The following KIF26B variants were observed in gnomAD, a reference collection of about 807,000 sequenced individuals.
KIF26B encodes kinesin-like protein KIF26B.
In KIF26B, 63 loss-of-function variants were observed where a neutral mutation model predicts 151.2. The observed-to-expected ratio is 0.42, with a 90% CI of 0.34 to 0.51. The LOEUF (loss-of-function observed/expected upper bound fraction) is 0.51. Ranked by LOEUF, KIF26B falls within the 20% of genes least tolerant of loss-of-function variation. The pLI is 0.07. For missense variants in KIF26B, 2,813 were observed against 2,913.6 expected, an observed-to-expected ratio of 0.97 and a Z score of 0.79; for synonymous variants, 1,357 against 1,262.1, an observed-to-expected ratio of 1.08 and a Z score of -1.59.
intron 4 of KIF26B, among the ~76,000 whole-genome samples, chr1:245,445,251 A>G (rs1311028005): frequency 6.6e-6 from 1 of 152,234 alleles, no homozygotes; most frequent in Non-Finnish European, 1.5e-5. Context: ...AGGCTGGTCT[A>G]GAATCTCTCA....
At chr1:245,169,349 G>GTGTGTGTGTGTA (rs1668669393) in intron 2 of KIF26B, among the ~76,000 whole-genome samples, 2 of 151,932 alleles carry the variant, frequency 1.3e-5, no homozygotes, top group African/African-American at 4.8e-5. Flanking sequence ...GTGTGTGTGT[G>GTGTGTGTGTGTA]TGTGTGTGTG....
chr1:245,520,191 GA>G (rs989452168), intron 4 of KIF26B, among the ~76,000 whole-genome samples: 1 of 148,302 alleles, frequency 6.7e-6, no homozygotes, highest in African/African-American at 2.5e-5. Context: ...CTAAAGGCCA[GA>G]AATAGGAAAA....
intron 2 of KIF26B, among the ~76,000 whole-genome samples, chr1:245,344,286 T>C (rs1373407850): frequency 6.6e-6 from 1 of 151,852 alleles, no homozygotes; most frequent in Admixed American, 6.6e-5. Context: ...ATTTCATTCA[T>C]TCATTAGCCT....
chr1:245,505,918 A>T (rs756182119), intron 4 of KIF26B, among the ~76,000 whole-genome samples: 2 of 152,194 alleles, frequency 1.3e-5, no homozygotes, highest in Non-Finnish European at 2.9e-5. Context: ...TTAAATGATT[A>T]AGGATTTTCA....
intron 2 of KIF26B, among the ~76,000 whole-genome samples, chr1:245,310,941 A>G (rs1356120273): frequency 6.6e-6 from 1 of 152,126 alleles, no homozygotes; most frequent in Non-Finnish European, 1.5e-5. Context: ...GTATCAGAGC[A>G]GGGATTGAAA....
intron 2 of KIF26B, among the ~76,000 whole-genome samples, 160 bp from the exon 3 acceptor site, chr1:245,366,674 G>A (rs1572025753): frequency 1.3e-5 from 2 of 152,112 alleles, no homozygotes; most frequent in East Asian, 3.9e-4. Context: ...AAAAATAGAG[G>A]CTTTTCTGCC....
intron 9 of KIF26B, among the ~76,000 whole-genome samples, chr1:245,627,802 A>T (rs1180362280): frequency 6.6e-6 from 1 of 152,188 alleles, no homozygotes; most frequent in African/African-American, 2.4e-5. Flanking sequence ...AGGGGATATC[A>T]CCCCTGATCC....
chr1:245,556,361 CCTT>C (rs369336251), intron 5 of KIF26B, among the ~76,000 whole-genome samples: 3,942 of 103,700 alleles, frequency 0.038, 133 homozygotes, highest in African/African-American at 0.1. Flanking sequence ...TCCTCCTCCT[CCTT>C]CTTCTTCTTC....
chr1:245,602,864 G>A lies in KIF26B; in HGVS notation c.1557+81G>A, dbSNP rs563049752. 78 of 1,316,574 alleles carry A rather than the reference G, an allele frequency of 5.9e-5. No homozygotes were observed. The highest frequency in any genetic ancestry group is 5.8e-4 in the African/African-American group (40 of 69,160). The allele number at this position is 1,316,574 out of a possible 1,614,324, so 81.6% of individuals were successfully genotyped here. ...CTCATTCACAAGGGCCCTTGAGCTGGGAGGGTGTCTTCTGGAGCATTCTGA... is the reference window on the plus strand; with the variant it reads ...CTCATTCACAAGGGCCCTTGAGCTGAGAGGGTGTCTTCTGGAGCATTCTGA... On this transcript the variant is annotated intron_variant, in intron 6 of 14. Coordinates refer to ENST00000407071, the MANE Select transcript of KIF26B (RefSeq NM_018012.4). The surrounding 1 kb of genome is among the most constrained non-coding windows in gnomAD (Gnocchi z 4.5).
chr1:245,290,388 A>G (rs1671236342), intron 2 of KIF26B, among the ~76,000 whole-genome samples: 1 of 152,234 alleles, frequency 6.6e-6, no homozygotes, highest in Non-Finnish European at 1.5e-5. Context: ...TAAAGAAACA[A>G]AAGTATGGCT....
intron 2 of KIF26B, among the ~76,000 whole-genome samples, chr1:245,240,095 G>T (rs1458291798): frequency 1.3e-5 from 2 of 152,106 alleles, no homozygotes; most frequent in Middle Eastern, 3.4e-3. Context: ...GCTTGAACCC[G>T]GGAGGCGGAG....
At chr1:245,242,798 C>T (rs534555399) in intron 2 of KIF26B, among the ~76,000 whole-genome samples, 70 of 151,674 alleles carry the variant, frequency 4.6e-4, no homozygotes, top group Non-Finnish European at 7.8e-4. Flanking sequence ...ATTACAGGCA[C>T]GCACCACCAC....
At chr1:245,425,857 G>C (rs2971998) in intron 4 of KIF26B, among the ~76,000 whole-genome samples, 5 of 152,170 alleles carry the variant, frequency 3.3e-5, no homozygotes, top group Non-Finnish European at 7.4e-5. Flanking sequence ...GTTCCATGGC[G>C]TTGGTGAGCA....
chr1:245,248,816 G>A (rs1670386032), intron 2 of KIF26B, among the ~76,000 whole-genome samples: 1 of 152,162 alleles, frequency 6.6e-6, no homozygotes, highest in South Asian at 2.1e-4. Context: ...AGAAAATGAT[G>A]GATCGAGGAA....
intron 2 of KIF26B, among the ~76,000 whole-genome samples, chr1:245,175,414 T>C (rs910203088): frequency 1.3e-5 from 2 of 152,046 alleles, no homozygotes; most frequent in African/African-American, 4.8e-5. Flanking sequence ...AACGTGATCA[T>C]GATGGATTAT....
intron 4 of KIF26B, among the ~76,000 whole-genome samples, chr1:245,438,358 C>T (rs778033315): frequency 7.2e-5 from 11 of 152,220 alleles, no homozygotes; most frequent in African/African-American, 2.4e-4. Flanking sequence ...TTCAAGTCCT[C>T]ATATATTTTA....
intron 5 of KIF26B, among the ~76,000 whole-genome samples, chr1:245,555,997 A>G (rs2103112555): frequency 7.3e-6 from 1 of 136,416 alleles, no homozygotes; most frequent in South Asian, 2.2e-4. Flanking sequence ...CACCAAGAAT[A>G]TCGGAGACTT....
chr1:245,317,099 C>T (rs1304993663), intron 2 of KIF26B, among the ~76,000 whole-genome samples: 1 of 152,100 alleles, frequency 6.6e-6, no homozygotes, highest in Non-Finnish European at 1.5e-5. Context: ...CTTTACTGTT[C>T]AACAAGAGGA....
At chr1:245,522,752 T>C (rs965541627) in intron 4 of KIF26B, among the ~76,000 whole-genome samples, 3 of 152,120 alleles carry the variant, frequency 2.0e-5, no homozygotes, top group Non-Finnish European at 4.4e-5. Context: ...GAAACTGACA[T>C]GGGAGTCAAT....
Sources: allele counts gnomAD v4.1 joint callset (sites outside exome capture counted in the v4.1 genomes callset), GRCh38; gene constraint gnomAD v4.1.1; non-coding constraint Gnocchi (gnomAD v3.1); transcripts MANE v1.5; gene names NCBI Gene and HGNC (gene_info 2026-07-23, HGNC 2026-07-21).